Variants in SLCO4C1 observed in about 807,000 individuals in gnomAD.
SLCO4C1 encodes solute carrier organic anion transporter family member 4C1.
In SLCO4C1, 58 loss-of-function variants were observed where a neutral mutation model predicts 72.1. That is an observed-to-expected ratio of 0.80 (90% confidence interval 0.65 to 1.00). The LOEUF is 1.00. SLCO4C1 is among the 50% of genes least tolerant of loss of function. SLCO4C1 has a pLI of 0.00. For synonymous variants in SLCO4C1, 297 were observed against 312.5 expected (o/e 0.95, Z 0.52); for missense variants, 898 against 857.9 (o/e 1.05, Z -0.58).
At chr5:102,257,007 T>G in intron 8 of SLCO4C1, 108 bp downstream of exon 8, 1 of 867,700 alleles carries the variant, frequency 1.2e-6, no homozygotes, top group Non-Finnish European at 1.6e-6. Flanking sequence ...AAAAAGGTCT[T>G]CCAAATTTTT....
chr5:102,265,110 A>G (rs1311969305), intron 3 of SLCO4C1, among the ~76,000 whole-genome samples: 4 of 152,034 alleles, frequency 2.6e-5, no homozygotes, highest in Non-Finnish European at 5.9e-5. Flanking sequence ...TCATCTGTAT[A>G]TCTTATTTTG....
chr5:102,284,850 C>T (rs1274476471), intron 2 of SLCO4C1, among the ~76,000 whole-genome samples: 4 of 151,946 alleles, frequency 2.6e-5, no homozygotes. Context: ...CATTTTTTTC[C>T]TACTTATTTT....
chr5:102,291,577 T>C lies in SLCO4C1; in HGVS notation c.385A>G (p.Ser129Gly). 6.2e-7 allele frequency: 1 copy of C among 1,613,418 alleles called. No individual in the cohort carries two copies. The highest frequency in any genetic ancestry group is 8.5e-7 in the Non-Finnish European group (1 of 1,179,710). ...GIVVNGLVNI[S>G]ISTVEKRYEM... ...TAACGCTTCTCAACAGTGGAAATGCTAATATTTACTAGGCCATTAACTACA... is the reference window on the plus strand; with the variant it reads ...TAACGCTTCTCAACAGTGGAAATGCCAATATTTACTAGGCCATTAACTACA... The change falls in exon 2 of 13, where the codon AGC becomes GGC. Residue 129 changes from serine to glycine, a missense_variant. Coordinates refer to ENST00000310954, the MANE Select transcript of SLCO4C1 (RefSeq NM_180991.5).
intron 3 of SLCO4C1, among the ~76,000 whole-genome samples, chr5:102,265,202 T>C (rs1749014305): frequency 6.6e-6 from 1 of 152,118 alleles, no homozygotes; most frequent in Admixed American, 6.6e-5. Context: ...AAGTTCTTTA[T>C]ATATTCTGGA....
chr5:102,274,032 TA>T (rs1749201182), intron 2 of SLCO4C1, among the ~76,000 whole-genome samples: 1 of 152,072 alleles, frequency 6.6e-6, no homozygotes, highest in Non-Finnish European at 1.5e-5. Context: ...AAAAATATAC[TA>T]TAATTATTTA....
Position 102,296,005 on chromosome 5 carries a change from C to A in SLCO4C1, c.258G>T (p.Gly86=), listed in dbSNP as rs767146812. 6.2e-7 allele frequency: 1 copy of A among 1,614,226 alleles called. No individual in the cohort carries two copies. Among genetic ancestry groups the A allele is most frequent in the Non-Finnish European group, 8.5e-7 (1 of 1,180,052 alleles). The change falls in exon 1 of 13, where the codon GGG becomes GGT. Residue 86 remains glycine (G), a synonymous_variant. Coordinates refer to ENST00000310954, the MANE Select transcript of SLCO4C1 (RefSeq NM_180991.5). Reference sequence around the variant, plus strand: ...GATGGAAGTTCCTCCAGCCGTAAGACCCCTCCTCAAACTCGGACAGCGACA... The same window carrying A: ...GATGGAAGTTCCTCCAGCCGTAAGAACCCTCCTCAAACTCGGACAGCGACA... The part of the protein sequence containing the change: ...RSLSLSEFEE[G]SYGWRNFHPQ...
chr5:102,292,577 C>A (rs1749576401), intron 1 of SLCO4C1, among the ~76,000 whole-genome samples: 1 of 152,068 alleles, frequency 6.6e-6, no homozygotes, highest in African/African-American at 2.4e-5. Context: ...GTAAAGGATT[C>A]TAGAGCAAAA....
intron 3 of SLCO4C1, among the ~76,000 whole-genome samples, chr5:102,264,870 G>A (rs772890929): frequency 6.6e-6 from 1 of 151,714 alleles, no homozygotes; most frequent in Non-Finnish European, 1.5e-5. Context: ...ATACCAGTAA[G>A]AACATGCAAT....
Position 102,257,236 on chromosome 5 carries a change from A to G in SLCO4C1, c.1348T>C (p.Cys450Arg). Residue 450 changes from cysteine (C) to arginine (R), a missense_variant, in exon 8 of 13, where the codon TGT (cysteine) becomes CGT (arginine). Coordinates refer to ENST00000310954, the MANE Select transcript of SLCO4C1 (RefSeq NM_180991.5). ...GFLVSKFRMT[C>R]KNTMKFALFT... ...AGTGCAAACTTCATTGTGTTTTTAC[A>G]TGTCATTCTGAATTTTGAAACAAGG... The G allele has an allele frequency of 6.2e-6, 10 of 1,611,076 alleles. No homozygotes were observed. The highest frequency in any genetic ancestry group is 8.5e-6 in the Non-Finnish European group (10 of 1,178,860).
chr5:102,258,761 C>A (rs1219529722), intron 6 of SLCO4C1, among the ~76,000 whole-genome samples: 3 of 151,902 alleles, frequency 2.0e-5, no homozygotes, highest in Non-Finnish European at 4.4e-5. Context: ...AACACACACA[C>A]ACACCACACA....
At chr5:102,268,154 C>G (rs1014815316) in intron 3 of SLCO4C1, among the ~76,000 whole-genome samples, 2 of 152,000 alleles carry the variant, frequency 1.3e-5, no homozygotes, top group Non-Finnish European at 2.9e-5. Context: ...GATTTTCTGC[C>G]TAGATGATCT....
In SLCO4C1 at chr5:102,247,391, C is replaced by G; in HGVS notation, c.1672G>C (p.Ala558Pro). 1 of 1,593,616 alleles carries G rather than the reference C, an allele frequency of 6.3e-7. No homozygotes were observed. ...IERKTEITSTAETFGFEAKAG... is the reference protein window; with the variant it reads ...IERKTEITSTPETFGFEAKAG... ...TTAGCTTCAAAACCAAAAGTTTCTG[C>G]AGTGGATGTTATTTCTGTTTTCCTT... Residue 558 changes from alanine to proline, a missense_variant, in exon 10 of 13, where the codon GCA becomes CCA. Coordinates refer to ENST00000310954, the MANE Select transcript of SLCO4C1 (RefSeq NM_180991.5).
intron 2 of SLCO4C1, among the ~76,000 whole-genome samples, chr5:102,285,679 C>A (rs1458266239): frequency 1.3e-5 from 2 of 152,064 alleles, no homozygotes; most frequent in Non-Finnish European, 2.9e-5. Flanking sequence ...TTAACTATTG[C>A]TAAAAGGTAG....
intron 2 of SLCO4C1, among the ~76,000 whole-genome samples, chr5:102,285,218 C>CACAT (rs993298573): frequency 4.0e-5 from 6 of 150,908 alleles, no homozygotes; most frequent in African/African-American, 1.5e-4. Flanking sequence ...TACATACACA[C>CACAT]ACACACACAC....
chr5:102,238,381 T>C (rs1247302578), intron 12 of SLCO4C1, among the ~76,000 whole-genome samples: 2 of 152,152 alleles, frequency 1.3e-5, no homozygotes, highest in African/African-American at 4.8e-5. Context: ...GGTAAAGTAA[T>C]GGGATGATTA....
chr5:102,271,037 G>T (rs1749143796), intron 2 of SLCO4C1, among the ~76,000 whole-genome samples: 1 of 152,014 alleles, frequency 6.6e-6, no homozygotes, highest in African/African-American at 2.4e-5. Context: ...TCACTTAGAT[G>T]GGGGTAACCA....
chr5:102,289,421 TAG>T (rs1403349727), intron 2 of SLCO4C1, among the ~76,000 whole-genome samples: 1 of 152,216 alleles, frequency 6.6e-6, no homozygotes, highest in Non-Finnish European at 1.5e-5. Context: ...CGTTTCAGTT[TAG>T]AGAGTCATAG....
intron 6 of SLCO4C1, 140 bp downstream of exon 6, chr5:102,260,073 T>A (rs573345035): frequency 3.3e-5 from 8 of 242,878 alleles, no homozygotes; most frequent in Non-Finnish European, 5.8e-5. Context: ...TATGTATACA[T>A]GTGTGGTTGT....
At position 102,240,657 on chromosome 5, in the gene SLCO4C1, A is replaced by G. The variant is rs187752895; in HGVS notation, c.1876+61T>C. 6.1e-4 allele frequency: 844 copies of G among 1,376,782 alleles called. 4 individuals carry two copies. The highest frequency in any genetic ancestry group is 1.9e-3 in the Admixed American group (98 of 51,266). The allele number at this position is 1,376,782 out of a possible 1,614,324, so 85.3% of individuals were successfully genotyped here. A position where few individuals can be genotyped will look rare whatever the true frequency, so the allele number is the denominator to read the frequency against. On this transcript the variant is annotated intron_variant, in intron 11 of 12. Coordinates refer to ENST00000310954, the MANE Select transcript of SLCO4C1 (RefSeq NM_180991.5). ...TGCCACAGGCCATAAATTAAAAAATAAATAACACTAATGAACCAAAATAGC... is the reference window on the plus strand; with the variant it reads ...TGCCACAGGCCATAAATTAAAAAATGAATAACACTAATGAACCAAAATAGC...
Sources: allele counts gnomAD v4.1 joint callset (sites outside exome capture counted in the v4.1 genomes callset), GRCh38; gene constraint gnomAD v4.1.1; transcripts MANE v1.5; gene names NCBI Gene and HGNC (gene_info 2026-07-23, HGNC 2026-07-21).